Variants in NREP observed in about 807,000 individuals in gnomAD.
The protein encoded by NREP is neuronal regeneration related protein, also known as neuronal regeneration-related protein.
NREP carries 5 observed loss-of-function variants against 8.6 expected under a neutral mutation model. The observed-to-expected ratio is 0.58, with a 90% CI of 0.30 to 1.22. The LOEUF (loss-of-function observed/expected upper bound fraction) is 1.22. Ranked by LOEUF, NREP falls within the 50% of genes most tolerant of loss-of-function variation. NREP has a pLI of 0.07. For missense variants in NREP, 86 were observed against 82.5 expected (o/e 1.04, Z -0.17); for synonymous variants, 27 against 28.0 (o/e 0.96, Z 0.11).
chr5:111,829,273 A>T (rs1752704904), intron 2 of NREP, among the ~76,000 whole-genome samples: 1 of 152,166 alleles, frequency 6.6e-6, no homozygotes, highest in African/African-American at 2.4e-5. Context: ...AGGGTTTTCA[A>T]GCAACGTACT....
intron 2 of NREP, among the ~76,000 whole-genome samples, chr5:111,938,965 G>A (rs1581235069): frequency 6.6e-6 from 1 of 152,020 alleles, no homozygotes; most frequent in Non-Finnish European, 1.5e-5. Flanking sequence ...AGCTGGAAAA[G>A]CAACCTGGAT....
At chr5:111,836,729 G>A (rs777970707) in intron 2 of NREP, among the ~76,000 whole-genome samples, 4 of 152,014 alleles carry the variant, frequency 2.6e-5, no homozygotes, top group Non-Finnish European at 5.9e-5. Context: ...ATTCCTATAG[G>A]CTGAGACAAG....
chr5:111,937,835 G>A (rs1176872750), intron 2 of NREP, among the ~76,000 whole-genome samples: 1 of 151,934 alleles, frequency 6.6e-6, no homozygotes, highest in East Asian at 1.9e-4. Context: ...ATCTCACAGG[G>A]TACTGGACCC....
chr5:111,818,032 T>C (rs1294949361), intron 2 of NREP, among the ~76,000 whole-genome samples: 5 of 152,104 alleles, frequency 3.3e-5, no homozygotes, highest in African/African-American at 1.2e-4. Context: ...ATTCCACAAG[T>C]TTCAATTAAT....
At chr5:111,923,766 C>T (rs548833886) in intron 2 of NREP, among the ~76,000 whole-genome samples, 1 of 152,260 alleles carries the variant, frequency 6.6e-6, no homozygotes, top group Non-Finnish European at 1.5e-5. Flanking sequence ...CAGGGTCATT[C>T]CCTTTCTTTC....
intron 2 of NREP, among the ~76,000 whole-genome samples, chr5:111,751,143 T>G (rs1750335361): frequency 6.6e-6 from 1 of 152,212 alleles, no homozygotes; most frequent in African/African-American, 2.4e-5. Context: ...TTCTACCATG[T>G]ACTTAATACT....
chr5:111,841,280 C>T (rs529529510), intron 2 of NREP, among the ~76,000 whole-genome samples: 3 of 152,170 alleles, frequency 2.0e-5, no homozygotes, highest in Non-Finnish European at 4.4e-5. Context: ...CTTTCCTCCA[C>T]TGGTCAAGGG....
At chr5:111,837,365 C>G (rs1373108088) in intron 2 of NREP, among the ~76,000 whole-genome samples, 1 of 151,770 alleles carries the variant, frequency 6.6e-6, no homozygotes, top group East Asian at 1.9e-4. Context: ...TTAAGGGGCT[C>G]CCACTGTCCA....
At chr5:111,945,700 G>A (rs1212058894) in intron 2 of NREP, among the ~76,000 whole-genome samples, 1 of 151,788 alleles carries the variant, frequency 6.6e-6, no homozygotes, top group African/African-American at 2.4e-5. Context: ...TCTGGCTTTA[G>A]GATAGTTGGA....
intron 2 of NREP, among the ~76,000 whole-genome samples, chr5:111,749,581 G>A (rs181560441): frequency 1.2e-4 from 18 of 152,284 alleles, no homozygotes; most frequent in South Asian, 2.1e-4. Flanking sequence ...TGACATAAGC[G>A]TTGGCTTACA....
At chr5:111,844,017 T>C (rs1285958611) in intron 2 of NREP, among the ~76,000 whole-genome samples, 1 of 152,146 alleles carries the variant, frequency 6.6e-6, no homozygotes. Flanking sequence ...TAGTGGAAGG[T>C]TGAAAGTAAA....
chr5:111,879,203 A>G (rs1207230503), intron 2 of NREP, among the ~76,000 whole-genome samples: 1 of 152,096 alleles, frequency 6.6e-6, no homozygotes, highest in Non-Finnish European at 1.5e-5. Context: ...TACTGCCGTG[A>G]GTATAAGCTT....
intron 2 of NREP, among the ~76,000 whole-genome samples, chr5:111,802,101 G>T (rs945817566): frequency 1.3e-5 from 2 of 152,064 alleles, no homozygotes; most frequent in African/African-American, 4.8e-5. Flanking sequence ...TAGAGGTTTC[G>T]GCTGAATACC....
At chr5:111,796,712 T>G (rs918551400) in intron 2 of NREP, among the ~76,000 whole-genome samples, 1 of 152,206 alleles carries the variant, frequency 6.6e-6, no homozygotes, top group Non-Finnish European at 1.5e-5. Context: ...TCATTTGACT[T>G]AGTCAATCAA....
chr5:111,799,306 T>C (rs147420427), intron 2 of NREP, among the ~76,000 whole-genome samples: 2,077 of 152,300 alleles, frequency 0.014, 28 homozygotes, highest in South Asian at 0.023. Flanking sequence ...CTGTGAAGAA[T>C]GATGGTGGCA....
chr5:111,773,762 G>A (rs1751291403), intron 2 of NREP, among the ~76,000 whole-genome samples: 1 of 152,156 alleles, frequency 6.6e-6, no homozygotes, highest in Non-Finnish European at 1.5e-5. Context: ...TCTACAGAGT[G>A]CCTAATATTC....
intron 2 of NREP, among the ~76,000 whole-genome samples, chr5:111,801,218 T>C (rs970242081): frequency 1.3e-5 from 2 of 152,208 alleles, no homozygotes. Context: ...TAAATGCTAG[T>C]AGAAAAGGGA....
intron 2 of NREP, among the ~76,000 whole-genome samples, chr5:111,763,599 G>A (rs1037532796): frequency 4.6e-5 from 7 of 152,182 alleles, no homozygotes; most frequent in East Asian, 3.8e-4. Context: ...ATCCTACCAC[G>A]CAAAACAGAC....
intron 2 of NREP, among the ~76,000 whole-genome samples, chr5:111,785,451 T>A (rs1339995076): frequency 6.6e-6 from 1 of 152,124 alleles, no homozygotes; most frequent in African/African-American, 2.4e-5. Context: ...ACTAATTTTT[T>A]GTATTTTTAG....
Sources: gnomAD v4.1 joint callset for allele counts (sites outside exome capture counted in the v4.1 genomes callset) on GRCh38, gnomAD v4.1.1 for gene constraint, MANE v1.5 for transcripts, NCBI Gene and HGNC (gene_info 2026-07-23, HGNC 2026-07-21) for gene names.